The following KLHDC10 variants were observed in gnomAD, a reference collection of about 807,000 sequenced individuals.
KLHDC10 encodes kelch domain containing 10.
KLHDC10 carries 24 observed loss-of-function variants against 56.1 expected under a neutral mutation model. The observed-to-expected ratio is 0.43, with a 90% CI of 0.31 to 0.60. The LOEUF (loss-of-function observed/expected upper bound fraction) is 0.60, where lower values mean the gene tolerates loss of function less well. Among genes scored for constraint, KLHDC10 ranks in the 20% least tolerant of loss-of-function variants. The pLI is 0.11. For synonymous variants in KLHDC10, 188 were observed against 207.1 expected (o/e 0.91, Z 0.79); for missense variants, 349 against 567.0 (o/e 0.62, Z 3.91).
intron 2 of KLHDC10, among the ~76,000 whole-genome samples, chr7:130,115,921 T>C (rs1796161221): frequency 6.6e-6 from 1 of 152,070 alleles, no homozygotes; most frequent in African/African-American, 2.4e-5. Context: ...TAACAGCCAG[T>C]TTTCATTGTA....
rs555577424 is a variant in KLHDC10 at position 130,128,301 on chromosome 7, T to G, written c.979+850T>G. Among the ~76,000 whole-genome samples, 3 of 152,374 alleles carry G rather than the reference T, an allele frequency of 2.0e-5. No homozygotes were observed. In the East Asian group the frequency reaches 5.8e-4, roughly 29 times the overall value. ...TTATAGCTTAAGTATTGGCTTAAAC[T>G]TGGTCTAGACCTGAGTTAAGAAATT... On this transcript the variant is annotated intron_variant, in intron 8 of 9. Transcript: ENST00000335420.
intron 2 of KLHDC10, among the ~76,000 whole-genome samples, chr7:130,103,636 C>T (rs1795966202): frequency 6.6e-6 from 1 of 152,106 alleles, no homozygotes; most frequent in Non-Finnish European, 1.5e-5. Context: ...TGGTTTGCTA[C>T]AAGATAAATG....
intron 8 of KLHDC10, among the ~76,000 whole-genome samples, chr7:130,129,144 C>T (rs1449869762): frequency 6.6e-6 from 1 of 151,830 alleles, no homozygotes; most frequent in Non-Finnish European, 1.5e-5. Context: ...CCCCCTTGCT[C>T]ATTTACTTTC....
At chr7:130,100,675 A>C (rs1001354164) in intron 2 of KLHDC10, among the ~76,000 whole-genome samples, 3 of 152,070 alleles carry the variant, frequency 2.0e-5, no homozygotes, top group African/African-American at 7.2e-5. Context: ...GTTTGTTTTT[A>C]ACTTATCTAT....
intron 2 of KLHDC10, among the ~76,000 whole-genome samples, chr7:130,108,235 A>G (rs1398081040): frequency 6.6e-6 from 1 of 151,902 alleles, no homozygotes; most frequent in East Asian, 1.9e-4. Flanking sequence ...TCAAAAAAAA[A>G]GAAAAAAGAA....
At chr7:130,123,016 TATGGATGGATGG>T (rs34901862) in intron 5 of KLHDC10, among the ~76,000 whole-genome samples, 23 of 149,050 alleles carry the variant, frequency 1.5e-4, no homozygotes, top group South Asian at 4.3e-4. Context: ...TAGATGGATG[TATGGATGGATGG>T]ATGGATGGAT....
At chr7:130,117,849 CA>C (rs60800057) in intron 3 of KLHDC10, among the ~76,000 whole-genome samples, 1,679 of 73,170 alleles carry the variant, frequency 0.023, 9 homozygotes, top group African/African-American at 0.039. Flanking sequence ...GACCCTGTCT[CA>C]AAAAAAAAAA....
chr7:130,123,691 A>G (rs1796280616), intron 5 of KLHDC10, among the ~76,000 whole-genome samples: 1 of 152,212 alleles, frequency 6.6e-6, no homozygotes, highest in Non-Finnish European at 1.5e-5. Context: ...AAACTACCAT[A>G]AGAGGACTTG....
chr7:130,126,179 C>A (rs1283281708), intron 7 of KLHDC10, among the ~76,000 whole-genome samples: 1 of 151,980 alleles, frequency 6.6e-6, no homozygotes, highest in Non-Finnish European at 1.5e-5. Context: ...TTTGCTGGGC[C>A]TGGTGGTGTA....
At chr7:130,100,705 T>C (rs527697627) in intron 2 of KLHDC10, among the ~76,000 whole-genome samples, 1 of 152,336 alleles carries the variant, frequency 6.6e-6, no homozygotes, top group African/African-American at 2.4e-5. Context: ...ATAGCCACTT[T>C]GAAGCCTGAT....
At chr7:130,125,498 G>A (rs918292812) in intron 6 of KLHDC10, among the ~76,000 whole-genome samples, 3 of 151,986 alleles carry the variant, frequency 2.0e-5, no homozygotes, top group East Asian at 1.9e-4. Flanking sequence ...AGCCAAGATC[G>A]CGTCACTACA....
At chr7:130,077,226 G>A (rs999042704) in intron 1 of KLHDC10, among the ~76,000 whole-genome samples, 3 of 151,134 alleles carry the variant, frequency 2.0e-5, no homozygotes, top group East Asian at 3.9e-4. Context: ...TTGGTGGCAG[G>A]TGCCTGTAAT....
chr7:130,120,145 C>CT lies in KLHDC10; in HGVS notation c.476-602dup, dbSNP rs760165526. Among the ~76,000 whole-genome samples, 33 of 152,316 alleles carry CT rather than the reference C, an allele frequency of 2.2e-4. No homozygotes were observed. The highest frequency in any genetic ancestry group is 6.8e-3 in the Middle Eastern group (2 of 294). On this transcript the variant is annotated intron_variant, in intron 3 of 9. Transcript: ENST00000335420. The surrounding 1 kb of genome is among the most constrained non-coding windows in gnomAD (Gnocchi z 5.1). Reference sequence around the variant, plus strand: ...CTTTAGTCCCTTTATTCTGAGTCCCCTTGGGTCTTTGCTAACGCAAAGATG... The same window carrying CT: ...CTTTAGTCCCTTTATTCTGAGTCCCCTTTGGGTCTTTGCTAACGCAAAGATG...
At position 130,130,756 on chromosome 7, in the gene KLHDC10, G is replaced by T. The variant is rs755205343; in HGVS notation, c.*10G>T. ...CGAACGCTTGAAATGAGGATTTCTG[G>T]ACTGTTCATTGATACTGGAAATGTT... is the stretch of plus-strand genomic sequence containing the variant. On this transcript the variant is annotated 3_prime_UTR_variant, in exon 10 of 10. Transcript: ENST00000335420. This position sits in a 1 kb window ranked among gnomAD's most constrained non-coding sequence, Gnocchi z 4.2. 4 of 1,609,910 alleles carry T rather than the reference G, an allele frequency of 2.5e-6. No homozygotes were observed. Among genetic ancestry groups the T allele is most frequent in the African/African-American group, 2.7e-5 (2 of 74,802 alleles).
rs576391813 is a variant in KLHDC10, at chr7:130,132,319, C to T, written c.*1573C>T. On this transcript the variant is annotated 3_prime_UTR_variant, in exon 10 of 10. Transcript: ENST00000335420. Reference sequence around the variant, plus strand: ...CTAGCTTTTAAAGTTATTCTTTGTCCTTCATCTCAGAAGGGATCTCTTTAG... The same window carrying T: ...CTAGCTTTTAAAGTTATTCTTTGTCTTTCATCTCAGAAGGGATCTCTTTAG... 2 of 152,266 alleles carry T rather than the reference C, an allele frequency of 1.3e-5. No homozygotes were observed. Among genetic ancestry groups the T allele is most frequent in the East Asian group, 3.9e-4 (2 of 5,184 alleles). 9.4% of individuals were successfully genotyped at this position (152,266 alleles called of 1,614,324 possible). A position where few individuals can be genotyped will look rare whatever the true frequency, so the allele number is the denominator to read the frequency against.
At chr7:130,108,725 CAAAAAAA>C (rs200535259) in intron 2 of KLHDC10, among the ~76,000 whole-genome samples, 2 of 86,278 alleles carry the variant, frequency 2.3e-5, no homozygotes, top group Non-Finnish European at 5.2e-5. Context: ...CCATCTCAAA[CAAAAAAA>C]AAAAAAAAGA....
chr7:130,108,096 G>T (rs1796039936), intron 2 of KLHDC10, among the ~76,000 whole-genome samples: 1 of 150,660 alleles, frequency 6.6e-6, no homozygotes, highest in African/African-American at 2.4e-5. Context: ...GGTTGAGGTC[G>T]TGTGCGCCTG....
At chr7:130,098,021 G>GTT (rs1341116209) in intron 2 of KLHDC10, among the ~76,000 whole-genome samples, 7 of 143,834 alleles carry the variant, frequency 4.9e-5, no homozygotes, top group Middle Eastern at 3.7e-3. Flanking sequence ...TTTAACTGGA[G>GTT]TTTTTTTTTT....
chr7:130,108,338 T>G (rs1481261984), intron 2 of KLHDC10, among the ~76,000 whole-genome samples: 1 of 152,140 alleles, frequency 6.6e-6, no homozygotes, highest in Non-Finnish European at 1.5e-5. Flanking sequence ...CAAGGGACTT[T>G]TTAAAAATAG....
Sources: allele counts gnomAD v4.1 joint callset (sites outside exome capture counted in the v4.1 genomes callset), GRCh38; gene constraint gnomAD v4.1.1; non-coding constraint Gnocchi (gnomAD v3.1); transcripts MANE v1.5; gene names NCBI Gene and HGNC (gene_info 2026-07-23, HGNC 2026-07-21).